The following RREB1 variants were observed in gnomAD, a reference collection of about 807,000 sequenced individuals.
RREB1 encodes the protein ras-responsive element-binding protein 1.
RREB1 carries 27 observed loss-of-function variants against 117.8 expected under a neutral mutation model. That is an observed-to-expected ratio of 0.23 (90% CI 0.17 to 0.32). The LOEUF is 0.32. Among genes scored for constraint, RREB1 ranks in the 10% least tolerant of loss-of-function variants. The pLI is 1.00. For missense variants in RREB1, 2,577 were observed against 2,378.2 expected (o/e 1.08, Z -1.74); for synonymous variants, 1,298 against 1,026.7 (o/e 1.26, Z -5.05).
At chr6:7,211,338 A>AGATGGATGGACGGATGGATG (rs1766583767) in intron 7 of RREB1, among the ~76,000 whole-genome samples, 1 of 118,566 alleles carries the variant, frequency 8.4e-6, no homozygotes, top group African/African-American at 3.3e-5. Flanking sequence ...ATGGATGGAC[A>AGATGGATGGACGGATGGATG]GATGGATGGA....
intron 9 of RREB1, among the ~76,000 whole-genome samples, chr6:7,227,465 C>T (rs1347094376): frequency 2.6e-5 from 4 of 151,816 alleles, no homozygotes; most frequent in Non-Finnish European, 4.4e-5. Flanking sequence ...CGCTTGAACC[C>T]GGGAGGCTGA....
Position 7,134,093 on chromosome 6 carries a change from G to T in RREB1, c.-285+26033G>T, listed in dbSNP as rs73372684. ...TTTGCATTCCCTGGGCACTCATTGTGTGAGTGAAGGAACCTATCTTCTAGG... is the reference window on the plus strand; with the variant it reads ...TTTGCATTCCCTGGGCACTCATTGTTTGAGTGAAGGAACCTATCTTCTAGG... On this transcript the variant is annotated intron_variant, in intron 1 of 12. Transcript: ENST00000379938. Among the ~76,000 whole-genome samples, 573 of 152,300 alleles carry T rather than the reference G, an allele frequency of 3.8e-3. 5 individuals are homozygous for T. Among genetic ancestry groups the T allele is most frequent in the African/African-American group, 0.013 (556 of 41,558 alleles).
intron 8 of RREB1, chr6:7,218,202 T>C (rs907841509): frequency 1.3e-5 from 2 of 152,054 alleles, no homozygotes; most frequent in Non-Finnish European, 2.9e-5. Context: ...TAGCATAGTT[T>C]AAAAAAAAGA....
intron 1 of RREB1, among the ~76,000 whole-genome samples, chr6:7,116,744 A>T (rs1427696100): frequency 2.0e-5 from 3 of 152,230 alleles, no homozygotes; most frequent in Non-Finnish European, 4.4e-5. Flanking sequence ...AAGAATTTTG[A>T]ATTACAGAAA....
Position 7,229,979 on chromosome 6 carries a change from T to C in RREB1, c.1880T>C (p.Met627Thr). The C allele has an allele frequency of 6.2e-7, 1 of 1,607,172 alleles. No homozygotes were observed. The highest frequency in any genetic ancestry group is 8.5e-7 in the Non-Finnish European group (1 of 1,175,538). ...EITEGELKAF[M>T]TAPGGKKTPA... The stretch of plus-strand genomic sequence containing the variant: ...ACAGAGGGGGAACTCAAGGCCTTCA[T>C]GACAGCGCCCGGCGGCAAGAAGACG... The change falls in exon 10 of 13, where the codon ATG becomes ACG. Residue 627 changes from methionine to threonine, a missense_variant. Coordinates refer to ENST00000379938, the MANE Select transcript of RREB1 (RefSeq NM_001003699.4). This position sits in a 1 kb window ranked among gnomAD's most constrained non-coding sequence, Gnocchi z 4.5.
chr6:7,247,275 C>G (rs1769145431), intron 12 of RREB1, 54 bp downstream of exon 12: 2 of 1,525,410 alleles, frequency 1.3e-6, no homozygotes, highest in East Asian at 2.3e-5. Context: ...AGCCGGGCAC[C>G]TCTCCTAGGA....
chr6:7,187,100 A>G (rs1259577590), intron 4 of RREB1, among the ~76,000 whole-genome samples: 1 of 151,134 alleles, frequency 6.6e-6, no homozygotes, highest in Non-Finnish European at 1.5e-5. Flanking sequence ...TTAATTTTTC[A>G]CCATCACAGA....
At chr6:7,234,289 G>A (rs990296939) in intron 10 of RREB1, among the ~76,000 whole-genome samples, 1 of 152,150 alleles carries the variant, frequency 6.6e-6, no homozygotes, top group African/African-American at 2.4e-5. Flanking sequence ...GGAGAAGTGA[G>A]TCTTTCTGTT....
At position 7,182,963 on chromosome 6, in the gene RREB1, T is replaced by A. The variant is rs983478498; in HGVS notation, c.171+881T>A. On this transcript the variant is annotated intron_variant, in intron 4 of 12. Transcript: ENST00000379938. ...ACTAATTTTCTTTTTTTATAAATAA[T>A]CCTACTGTGGCTGTCCTTATACAGA... is the stretch of plus-strand genomic sequence containing the variant. 9 of 152,226 alleles carry A rather than the reference T, an allele frequency of 5.9e-5. 1 individual carries two copies. Among genetic ancestry groups the A allele is most frequent in the Non-Finnish European group, 1.5e-5 (1 of 68,036 alleles). The allele number at this position is 152,226 out of a possible 1,614,324, so 9.4% of individuals were successfully genotyped here.
intron 6 of RREB1, among the ~76,000 whole-genome samples, chr6:7,196,143 A>G (rs1765654037): frequency 6.6e-6 from 1 of 150,718 alleles, no homozygotes; most frequent in Non-Finnish European, 1.5e-5. Flanking sequence ...AGATGAGCCC[A>G]GCCCTCCGGT....
At chr6:7,174,153 T>TTTTC (rs1176777156) in intron 1 of RREB1, among the ~76,000 whole-genome samples, 2 of 140,160 alleles carry the variant, frequency 1.4e-5, no homozygotes, top group Non-Finnish European at 3.0e-5. Flanking sequence ...AGTCTTTCCT[T>TTTTC]TTTTTTTTTT....
chr6:7,163,216 G>A (rs979999005), intron 1 of RREB1, among the ~76,000 whole-genome samples: 2 of 152,266 alleles, frequency 1.3e-5, no homozygotes, highest in Admixed American at 6.5e-5. Flanking sequence ...TGGCCAGGTA[G>A]CCATTTGTAT....
Position 7,230,517 on chromosome 6 carries a change from C to T in RREB1, c.2418C>T (p.Ile806=). ...CGTTCGCGGCCAAGCGCAACTGCAT[C>T]CACCACATCCTCAAGCAGCACCTGC... ...SAAFAAKRNC[I]HHILKQHLHV... The change falls in exon 10 of 13, where the codon ATC becomes ATT. Residue 806 remains isoleucine, a synonymous_variant. Transcript: ENST00000379938. 1 of 1,594,554 alleles carries T rather than the reference C, an allele frequency of 6.3e-7. No homozygotes were observed. The highest frequency in any genetic ancestry group is 1.1e-5 in the South Asian group (1 of 90,326).
At chr6:7,116,379 A>C (rs560270878) in intron 1 of RREB1, among the ~76,000 whole-genome samples, 2 of 151,792 alleles carry the variant, frequency 1.3e-5, no homozygotes, top group Admixed American at 1.3e-4. Flanking sequence ...CTTAAATACT[A>C]CCTCTTCTAT....
intron 10 of RREB1, among the ~76,000 whole-genome samples, chr6:7,236,810 G>T (rs1768352856): frequency 7.0e-6 from 1 of 143,296 alleles, no homozygotes; most frequent in Admixed American, 7.0e-5. Flanking sequence ...CTCTTCTCTT[G>T]CCCCAATGTC....
rs1233242282 is a variant in RREB1, at chr6:7,232,755, TTC to T, written c.3808+850_3808+851del. 2.2e-5 allele frequency among the ~76,000 whole-genome samples: 3 copies of T among 137,538 alleles called. No homozygotes were observed. The Admixed American group carries it at 2.2e-4, about 10-fold the overall frequency. 90.2% of individuals were successfully genotyped at this position (137,538 alleles called of 152,430 possible). A position where few individuals can be genotyped will look rare whatever the true frequency, so the allele number is the denominator to read the frequency against. ...GATACCCCAAAAGTATCTTCCTTTT[TTC>T]TTTTTCTTTTTTTTTTTTTTTTTTA... On this transcript the variant is annotated intron_variant, in intron 10 of 12. Coordinates refer to ENST00000379938, the MANE Select transcript of RREB1 (RefSeq NM_001003699.4).
At chr6:7,201,505 C>G (rs1765981809) in intron 6 of RREB1, among the ~76,000 whole-genome samples, 1 of 137,748 alleles carries the variant, frequency 7.3e-6, no homozygotes, top group Non-Finnish European at 1.6e-5. Context: ...CCCCCCCCCC[C>G]AACCCCCATC....
intron 4 of RREB1, among the ~76,000 whole-genome samples, chr6:7,186,172 G>A (rs184244628): frequency 3.7e-4 from 57 of 152,310 alleles, no homozygotes; most frequent in African/African-American, 1.3e-3. Flanking sequence ...CCTCCATCCC[G>A]TTGGGTTAAC....
chr6:7,239,310 A>G (rs1768536209), intron 10 of RREB1, among the ~76,000 whole-genome samples: 2 of 152,114 alleles, frequency 1.3e-5, no homozygotes, highest in African/African-American at 4.8e-5. Flanking sequence ...GGGACCTTGG[A>G]CTCCAGCAAC....
Sources: allele counts gnomAD v4.1 joint callset (sites outside exome capture counted in the v4.1 genomes callset), GRCh38; gene constraint gnomAD v4.1.1; non-coding constraint Gnocchi (gnomAD v3.1); transcripts MANE v1.5; gene names NCBI Gene and HGNC (gene_info 2026-07-23, HGNC 2026-07-21).